GLMN: variants seen among roughly 807,000 people sequenced by gnomAD.
GLMN encodes the protein glomulin, FKBP associated protein, also known as glomulin.
A neutral mutation model predicts 87.8 loss-of-function variants in GLMN; 75 were observed. The ratio of observed to expected loss-of-function variants is 0.85; its 90% CI spans 0.71 to 1.04. The LOEUF (loss-of-function observed/expected upper bound fraction) is 1.04, where lower values mean the gene tolerates loss of function less well. GLMN is among the 50% of genes least tolerant of loss of function. The probability of loss-of-function intolerance (pLI) is 0.00; values close to 1 mark genes in which losing one functional copy is unlikely to be tolerated. For synonymous variants in GLMN, 206 were observed against 221.6 expected (o/e 0.93, Z 0.63); for missense variants, 588 against 658.8 (o/e 0.89, Z 1.18).
chr1:92,327,843 C>T, the GLMN span, among the ~76,000 whole-genome samples: 1 of 151,958 alleles, frequency 6.6e-6, no homozygotes, highest in African/African-American at 2.4e-5. Context: ...TCTTGTAGTG[C>T]TGACTTGGTA....
At chr1:92,315,442 G>A in the GLMN span, among the ~76,000 whole-genome samples, 1 of 152,144 alleles carries the variant, frequency 6.6e-6, no homozygotes, top group African/African-American at 2.4e-5. Context: ...AACACATTTT[G>A]TTGGAAAAAT....
chr1:92,264,018 A>G (rs1655330272), intron 14 of GLMN, among the ~76,000 whole-genome samples: 1 of 152,192 alleles, frequency 6.6e-6, no homozygotes, highest in Admixed American at 6.5e-5. Context: ...AATAAGCCAC[A>G]ATATCAGCTC....
chr1:92,314,351 GT>G, the GLMN span, among the ~76,000 whole-genome samples: 230 of 136,536 alleles, frequency 1.7e-3, no homozygotes, highest in East Asian at 9.2e-3. Flanking sequence ...TGGTTTTTGG[GT>G]TTTTTTTTTT....
intron 9 of GLMN, 140 bp downstream of exon 9, chr1:92,269,583 G>T (rs1463280575): frequency 3.0e-6 from 2 of 662,274 alleles, no homozygotes; most frequent in Non-Finnish European, 5.6e-6. Context: ...TCTCTCTCGT[G>T]AATTATTTGC....
At chr1:92,296,088 T>A (rs1650016134) in intron 3 of GLMN, among the ~76,000 whole-genome samples, 1 of 152,136 alleles carries the variant, frequency 6.6e-6, no homozygotes, top group African/African-American at 2.4e-5. Flanking sequence ...AACTACTGAC[T>A]AAGAGATGTT....
At chr1:92,279,012 T>C (rs1647629744) in intron 7 of GLMN, among the ~76,000 whole-genome samples, 1 of 152,210 alleles carries the variant, frequency 6.6e-6, no homozygotes, top group African/African-American at 2.4e-5. Context: ...GTTCACCCCT[T>C]TTAGTAACCT....
the GLMN span, among the ~76,000 whole-genome samples, chr1:92,317,379 G>A: frequency 6.6e-6 from 1 of 151,812 alleles, no homozygotes; most frequent in African/African-American, 2.4e-5. Flanking sequence ...GTAGTGGCGG[G>A]TGCCTGTAAT....
intron 7 of GLMN, among the ~76,000 whole-genome samples, chr1:92,283,669 G>A (rs1424868765): frequency 6.6e-6 from 1 of 152,172 alleles, no homozygotes; most frequent in Non-Finnish European, 1.5e-5. Context: ...AGGAAAAGAG[G>A]AAGTCAAATT....
intron 5 of GLMN, 146 bp from the exon 6 acceptor site, chr1:92,289,297 G>A: frequency 1.4e-6 from 1 of 712,908 alleles, no homozygotes; most frequent in East Asian, 2.5e-5. Flanking sequence ...AATTGGCAGT[G>A]TTTTTTTCTT....
the GLMN span, among the ~76,000 whole-genome samples, chr1:92,333,043 T>G: frequency 7.9e-5 from 12 of 152,254 alleles, no homozygotes; most frequent in African/African-American, 2.4e-4. Flanking sequence ...TCATAATATA[T>G]TTATAGTATT....
chr1:92,281,490 G>A (rs559561585), intron 7 of GLMN, among the ~76,000 whole-genome samples: 8 of 152,194 alleles, frequency 5.3e-5, no homozygotes, highest in Non-Finnish European at 7.4e-5. Context: ...GAATAGGAAC[G>A]ACCGGTACCA....
At chr1:92,328,138 A>G in the GLMN span, among the ~76,000 whole-genome samples, 1,093 of 152,258 alleles carry the variant, frequency 7.2e-3, 12 homozygotes, top group African/African-American at 0.025. Flanking sequence ...TGCCGGGGCA[A>G]TGATCTTTTT....
the GLMN span, among the ~76,000 whole-genome samples, chr1:92,343,783 C>T: frequency 5.3e-5 from 8 of 152,060 alleles, no homozygotes; most frequent in African/African-American, 1.9e-4. Flanking sequence ...AAAAGAAAAA[C>T]ATATAGCAGA....
upstream of GLMN, among the ~76,000 whole-genome samples, chr1:92,300,583 C>G (rs571516846): frequency 5.1e-4 from 77 of 152,298 alleles, no homozygotes; most frequent in African/African-American, 1.8e-3. Context: ...CTTTTCTGTT[C>G]TTTGTTACAT....
the GLMN span, among the ~76,000 whole-genome samples, chr1:92,321,460 T>C: frequency 2.0e-5 from 3 of 152,020 alleles, no homozygotes; most frequent in South Asian, 4.1e-4. Context: ...TGCTTTCAAC[T>C]TTTATATATA....
At chr1:92,287,043 T>C (rs1648840431) in intron 6 of GLMN, among the ~76,000 whole-genome samples, 1 of 152,200 alleles carries the variant, frequency 6.6e-6, no homozygotes, top group Admixed American at 6.5e-5. Context: ...TCTATAAAAC[T>C]GGTGATGTAA....
At chr1:92,266,824 C>T (rs1342965576) in intron 11 of GLMN, 83 bp from the exon 12 acceptor site, 1 of 869,864 alleles carries the variant, frequency 1.1e-6, no homozygotes, top group African/African-American at 1.7e-5. Context: ...CAATAGGATA[C>T]TAAAAATTCA....
intron 3 of GLMN, among the ~76,000 whole-genome samples, chr1:92,292,895 A>G (rs982611340): frequency 5.3e-5 from 8 of 151,570 alleles, no homozygotes; most frequent in Non-Finnish European, 1.2e-4. Flanking sequence ...CTGGTGGCAC[A>G]CGCTTGTAGC....
chr1:92,315,340 A>G, the GLMN span, among the ~76,000 whole-genome samples: 25 of 152,326 alleles, frequency 1.6e-4, no homozygotes, highest in East Asian at 3.7e-3. Context: ...CCCCAAAGCA[A>G]TTACAACAGT....
Sources: gnomAD v4.1 joint callset for allele counts (sites outside exome capture counted in the v4.1 genomes callset) on GRCh38, gnomAD v4.1.1 for gene constraint, MANE v1.5 for transcripts, NCBI Gene and HGNC (gene_info 2026-07-23, HGNC 2026-07-21) for gene names.